RNGTT: variants seen among roughly 807,000 people sequenced by gnomAD.
RNGTT encodes the protein RNA guanylyltransferase and 5'-phosphatase, also known as mRNA-capping enzyme.
In RNGTT, 33 loss-of-function variants were observed where a neutral mutation model predicts 79.3. The observed-to-expected ratio is 0.42, with a 90% CI of 0.32 to 0.56. RNGTT has a LOEUF of 0.56. RNGTT is among the 20% of genes least tolerant of loss of function. The pLI is 0.17. For synonymous variants in RNGTT, 222 were observed against 235.9 expected, an observed-to-expected ratio of 0.94 and a Z score of 0.54; for missense variants, 497 against 739.1, an observed-to-expected ratio of 0.67 and a Z score of 3.80.
At chr6:88,775,276 C>T (rs1778838594) in intron 12 of RNGTT, among the ~76,000 whole-genome samples, 1 of 152,166 alleles carries the variant, frequency 6.6e-6, no homozygotes, top group Non-Finnish European at 1.5e-5. Flanking sequence ...TCTTGGCAAA[C>T]TTCCAGTATA....
At chr6:88,769,730 A>C (rs748256447) in intron 13 of RNGTT, 44 bp downstream of exon 13, 2 of 1,192,844 alleles carry the variant, frequency 1.7e-6, no homozygotes, top group Middle Eastern at 2.0e-4. Flanking sequence ...AGCCTTACAC[A>C]AACAGTATTA....
chr6:88,860,773 A>C (rs1478587331), intron 8 of RNGTT, among the ~76,000 whole-genome samples: 1 of 151,990 alleles, frequency 6.6e-6, no homozygotes, highest in Non-Finnish European at 1.5e-5. Flanking sequence ...CAGGAGTTCA[A>C]GACTAGCCTG....
intron 13 of RNGTT, among the ~76,000 whole-genome samples, chr6:88,737,085 T>A (rs535653378): frequency 6.7e-6 from 1 of 149,872 alleles, no homozygotes; most frequent in African/African-American, 2.5e-5. Flanking sequence ...AAGAGATTAT[T>A]TTCAAACCTC....
At chr6:88,761,384 T>C (rs1582428250) in intron 13 of RNGTT, among the ~76,000 whole-genome samples, 1 of 151,914 alleles carries the variant, frequency 6.6e-6, no homozygotes, top group South Asian at 2.1e-4. Flanking sequence ...CCAGCTACTC[T>C]GGAGGCTGAA....
chr6:88,633,511 C>A (rs1307915370), intron 14 of RNGTT, among the ~76,000 whole-genome samples: 1 of 152,144 alleles, frequency 6.6e-6, no homozygotes, highest in Non-Finnish European at 1.5e-5. Flanking sequence ...ATATCTTATT[C>A]TTCCCACATC....
At chr6:88,936,725 T>G (rs935695604) in intron 2 of RNGTT, among the ~76,000 whole-genome samples, 1 of 152,204 alleles carries the variant, frequency 6.6e-6, no homozygotes, top group African/African-American at 2.4e-5. Context: ...GATACTGGCC[T>G]GTTTTCTCTT....
intron 8 of RNGTT, among the ~76,000 whole-genome samples, chr6:88,855,981 C>T (rs1351506929): frequency 1.3e-5 from 2 of 152,152 alleles, no homozygotes; most frequent in East Asian, 3.8e-4. Flanking sequence ...AGACACACAA[C>T]CCATCATGTT....
intron 13 of RNGTT, among the ~76,000 whole-genome samples, chr6:88,748,549 A>G (rs1288332311): frequency 1.3e-5 from 2 of 151,962 alleles, no homozygotes; most frequent in African/African-American, 4.8e-5. Flanking sequence ...ATTATACTTA[A>G]TTTTTTTACA....
At chr6:88,631,741 T>C (rs915684382) in intron 14 of RNGTT, among the ~76,000 whole-genome samples, 2 of 152,142 alleles carry the variant, frequency 1.3e-5, no homozygotes, top group Non-Finnish European at 2.9e-5. Context: ...CAGTGGACCA[T>C]ATACTTTTGG....
At chr6:88,903,037 T>C (rs1487510845) in intron 6 of RNGTT, among the ~76,000 whole-genome samples, 1 of 152,044 alleles carries the variant, frequency 6.6e-6, no homozygotes, top group Non-Finnish European at 1.5e-5. Context: ...AAGGAATGTA[T>C]GGTCAACAAG....
At chr6:88,733,131 G>A (rs1777168168) in intron 13 of RNGTT, among the ~76,000 whole-genome samples, 1 of 152,100 alleles carries the variant, frequency 6.6e-6, no homozygotes, top group Non-Finnish European at 1.5e-5. Context: ...GGCCAAGCTG[G>A]GTGGGGATGG....
intron 8 of RNGTT, among the ~76,000 whole-genome samples, chr6:88,884,118 C>A (rs947294432): frequency 6.6e-6 from 1 of 152,168 alleles, no homozygotes; most frequent in East Asian, 1.9e-4. Context: ...ATACACCCAG[C>A]CTTCAACTCA....
intron 14 of RNGTT, among the ~76,000 whole-genome samples, chr6:88,636,061 C>G (rs1046395364): frequency 3.3e-5 from 5 of 151,996 alleles, no homozygotes; most frequent in Non-Finnish European, 7.4e-5. Flanking sequence ...ATCAACAGAA[C>G]CTCCCTTACC....
intron 13 of RNGTT, among the ~76,000 whole-genome samples, chr6:88,728,828 T>G (rs528204852): frequency 6.6e-6 from 1 of 152,350 alleles, no homozygotes; most frequent in East Asian, 1.9e-4. Flanking sequence ...ATTGTAGAAG[T>G]TAAAGACTTA....
At chr6:88,685,941 C>T (rs1318913459) in intron 13 of RNGTT, among the ~76,000 whole-genome samples, 1 of 151,238 alleles carries the variant, frequency 6.6e-6, no homozygotes, top group Admixed American at 6.6e-5. Context: ...AGGTCCTAGC[C>T]AGTCTATTAA....
intron 7 of RNGTT, among the ~76,000 whole-genome samples, chr6:88,890,993 C>T (rs913091474): frequency 1.3e-5 from 2 of 152,134 alleles, no homozygotes; most frequent in Non-Finnish European, 2.9e-5. Context: ...CTTGACATAA[C>T]TGCAAGGTTG....
Position 88,615,673 on chromosome 6 carries a change from C to T in RNGTT, c.1507-1278G>A, listed in dbSNP as rs80353048. The stretch of plus-strand genomic sequence containing the variant: ...GTTAGGTAAACACAGTTTTGCTATA[C>T]CACATGTAAGGTCTAACAGAAATAA... On this transcript the variant is annotated intron_variant, in intron 14 of 15. Transcript: ENST00000369485. Among the ~76,000 whole-genome samples, 763 of 152,248 alleles carry T rather than the reference C, an allele frequency of 5.0e-3. 6 individuals carry two copies. The highest frequency in any genetic ancestry group is 0.018 in the African/African-American group (743 of 41,536).
chr6:88,841,258 CA>C (rs1208423129), intron 11 of RNGTT, among the ~76,000 whole-genome samples: 2 of 152,052 alleles, frequency 1.3e-5, no homozygotes, highest in Non-Finnish European at 2.9e-5. Context: ...AGAGGTCAAC[CA>C]AAATTCCCAT....
chr6:88,836,838 T>C (rs1781097235), intron 11 of RNGTT, among the ~76,000 whole-genome samples: 1 of 152,086 alleles, frequency 6.6e-6, no homozygotes. Flanking sequence ...ATTAAATAGC[T>C]ATCACATTTT....
Sources: allele counts gnomAD v4.1 joint callset (sites outside exome capture counted in the v4.1 genomes callset), GRCh38; gene constraint gnomAD v4.1.1; transcripts MANE v1.5; gene names NCBI Gene and HGNC (gene_info 2026-07-23, HGNC 2026-07-21).